SHISA9: variants seen among roughly 807,000 people sequenced by gnomAD.
SHISA9 encodes protein shisa-9.
A neutral mutation model predicts 38.0 loss-of-function variants in SHISA9; 13 were observed. That is an observed-to-expected ratio of 0.34 (90% CI 0.22 to 0.54). SHISA9 has a LOEUF of 0.54. Among genes scored for constraint, SHISA9 ranks in the 20% least tolerant of loss-of-function variants. SHISA9 has a pLI of 0.91. For synonymous variants in SHISA9, 275 were observed against 242.0 expected (o/e 1.14, Z -1.27); for missense variants, 538 against 575.8 (o/e 0.93, Z 0.67).
At chr16:13,401,418 T>G in the SHISA9 span, among the ~76,000 whole-genome samples, 1 of 152,206 alleles carries the variant, frequency 6.6e-6, no homozygotes, top group African/African-American at 2.4e-5. Flanking sequence ...CATATTACTT[T>G]CATTCTCTAG....
chr16:12,973,733 T>A (rs1210042633), intron 2 of SHISA9, among the ~76,000 whole-genome samples: 2 of 152,144 alleles, frequency 1.3e-5, no homozygotes, highest in African/African-American at 2.4e-5. Flanking sequence ...AATATTTACA[T>A]TAAGACTCCT....
the SHISA9 span, among the ~76,000 whole-genome samples, chr16:13,263,470 C>T: frequency 4.6e-5 from 7 of 152,100 alleles, no homozygotes; most frequent in South Asian, 2.1e-4. Flanking sequence ...CACCTCTCCC[C>T]AAATTCCTCT....
intron 2 of SHISA9, among the ~76,000 whole-genome samples, chr16:13,049,377 A>G (rs1031675188): frequency 2.0e-5 from 3 of 152,158 alleles, no homozygotes; most frequent in African/African-American, 7.2e-5. Context: ...AAGATTGTCT[A>G]TCAGGTGCCT....
intron 2 of SHISA9, among the ~76,000 whole-genome samples, chr16:13,034,953 A>G (rs1046960605): frequency 1.3e-5 from 2 of 152,200 alleles, no homozygotes; most frequent in African/African-American, 4.8e-5. Flanking sequence ...CTGATCCTAG[A>G]CTAAATAACC....
intron 2 of SHISA9, among the ~76,000 whole-genome samples, chr16:13,057,218 G>T (rs2073321316): frequency 6.6e-6 from 1 of 152,182 alleles, no homozygotes; most frequent in African/African-American, 2.4e-5. Context: ...CCGAACAATA[G>T]AACGTTCATG....
chr16:13,408,605 T>G, the SHISA9 span, among the ~76,000 whole-genome samples: 1 of 152,214 alleles, frequency 6.6e-6, no homozygotes, highest in African/African-American at 2.4e-5. Context: ...GCTGTATAAA[T>G]TTTTATGATT....
intron 2 of SHISA9, among the ~76,000 whole-genome samples, chr16:12,999,424 C>G (rs982389827): frequency 1.3e-5 from 2 of 152,148 alleles, no homozygotes; most frequent in Admixed American, 1.3e-4. Flanking sequence ...ATAGATGACT[C>G]TGAAAACACA....
chr16:12,902,864 G>A lies in SHISA9; in HGVS notation c.563+237G>A, dbSNP rs984353532. On this transcript the variant is annotated intron_variant, in intron 1 of 4. Coordinates refer to ENST00000558583, the MANE Select transcript of SHISA9 (RefSeq NM_001145204.3). ...TGTGTGTGAGCGTGTGTGTGTGTGTGTGTGACTCTGCTCCCTCACCCTCTG... is the reference window on the plus strand; with the variant it reads ...TGTGTGTGAGCGTGTGTGTGTGTGTATGTGACTCTGCTCCCTCACCCTCTG... 5.7e-6 allele frequency: 3 copies of A among 521,976 alleles called. No individual in the cohort carries two copies. The African/African-American group carries it at 5.8e-5, about 10-fold the overall frequency. 32.3% of individuals were successfully genotyped at this position (521,976 alleles called of 1,614,324 possible).
the SHISA9 span, among the ~76,000 whole-genome samples, chr16:13,550,527 C>G: frequency 6.6e-6 from 1 of 152,148 alleles, no homozygotes; most frequent in Non-Finnish European, 1.5e-5. Flanking sequence ...GGGGATTTTT[C>G]CAGCACGTTT....
intron 2 of SHISA9, among the ~76,000 whole-genome samples, chr16:12,996,824 T>A (rs768147324): frequency 1.3e-5 from 2 of 152,108 alleles, no homozygotes; most frequent in Non-Finnish European, 2.9e-5. Flanking sequence ...ATTTTAATTT[T>A]AAAAAAAGTT....
intron 1 of SHISA9, among the ~76,000 whole-genome samples, chr16:12,916,011 G>GGTTTTTTT (rs774277866): frequency 1.1e-5 from 1 of 90,446 alleles, no homozygotes; most frequent in East Asian, 2.9e-4. Flanking sequence ...GTGTGTGTGT[G>GGTTTTTTT]TTTTTTTTTT....
the SHISA9 span, among the ~76,000 whole-genome samples, chr16:13,487,166 G>A: frequency 5.3e-5 from 8 of 152,144 alleles, no homozygotes; most frequent in Admixed American, 3.9e-4. Flanking sequence ...TTTGTTCCAG[G>A]ACCCTGGCAG....
intron 2 of SHISA9, among the ~76,000 whole-genome samples, chr16:12,950,216 CTGAG>C (rs1168871086): frequency 6.6e-6 from 1 of 152,176 alleles, no homozygotes; most frequent in Non-Finnish European, 1.5e-5. Flanking sequence ...TTTTTAATGG[CTGAG>C]TAATATTCCT....
At chr16:13,313,249 C>A in the SHISA9 span, among the ~76,000 whole-genome samples, 6 of 48,546 alleles carry the variant, frequency 1.2e-4, no homozygotes, top group Admixed American at 7.0e-4. Flanking sequence ...AGCGAGACTC[C>A]GTCTCAAAAA....
At chr16:12,950,827 C>G (rs2141774004) in intron 2 of SHISA9, among the ~76,000 whole-genome samples, 1 of 151,540 alleles carries the variant, frequency 6.6e-6, no homozygotes, top group East Asian at 2.0e-4. Flanking sequence ...CCAGGATGAT[C>G]TTGATCTCCT....
chr16:13,130,436 A>T (rs1359607894), intron 2 of SHISA9, among the ~76,000 whole-genome samples: 1 of 151,950 alleles, frequency 6.6e-6, no homozygotes, highest in East Asian at 1.9e-4. Flanking sequence ...TTGTTTTGTT[A>T]TGTTTTGTTT....
intron 2 of SHISA9, among the ~76,000 whole-genome samples, chr16:13,039,280 A>G (rs2073107200): frequency 6.6e-6 from 1 of 152,192 alleles, no homozygotes; most frequent in Non-Finnish European, 1.5e-5. Flanking sequence ...AATGTCTTAT[A>G]TGATTCGACT....
Position 13,203,386 on chromosome 16 carries a change from A to T in SHISA9, c.692-8A>T. Reference sequence around the variant, plus strand: ...TGTGACAATCTCCTTCTGTGTCTTCACTTCCAGATGCCACCCAGATGAACA... The same window carrying T: ...TGTGACAATCTCCTTCTGTGTCTTCTCTTCCAGATGCCACCCAGATGAACA... On this transcript the variant is annotated splice_region_variant and splice_polypyrimidine_tract_variant and intron_variant, in intron 2 of 4. Coordinates refer to ENST00000558583, the MANE Select transcript of SHISA9 (RefSeq NM_001145204.3). 1 of 1,520,968 alleles carries T rather than the reference A, an allele frequency of 6.6e-7. No individual in the cohort carries two copies. Among genetic ancestry groups the T allele is most frequent in the Non-Finnish European group, 8.8e-7 (1 of 1,134,552 alleles). 94.2% of individuals were successfully genotyped at this position (1,520,968 alleles called of 1,614,324 possible).
chr16:12,917,367 T>C (rs1596528151), intron 2 of SHISA9, among the ~76,000 whole-genome samples: 2 of 151,726 alleles, frequency 1.3e-5, no homozygotes, highest in Admixed American at 6.6e-5. Context: ...GTGCAGGGAG[T>C]GGTTATTGAA....
Sources: gnomAD v4.1 joint callset for allele counts (sites outside exome capture counted in the v4.1 genomes callset) on GRCh38, gnomAD v4.1.1 for gene constraint, MANE v1.5 for transcripts, NCBI Gene and HGNC (gene_info 2026-07-23, HGNC 2026-07-21) for gene names.